Variants in FAM131C observed in about 807,000 individuals in gnomAD.
FAM131C encodes protein FAM131C.
FAM131C carries 14 observed loss-of-function variants against 29.8 expected under a neutral mutation model. The observed-to-expected ratio is 0.47, with a 90% CI of 0.31 to 0.73. The LOEUF (loss-of-function observed/expected upper bound fraction) is 0.73, where lower values mean the gene tolerates loss of function less well. Ranked by LOEUF, FAM131C falls within the 30% of genes least tolerant of loss-of-function variation. The pLI is 0.05. For missense variants in FAM131C, 252 were observed against 383.8 expected, an observed-to-expected ratio of 0.66 and a Z score of 2.87; for synonymous variants, 86 against 157.8, an observed-to-expected ratio of 0.54 and a Z score of 3.41.
intron 4 of FAM131C, 35 bp downstream of exon 4, chr1:16,062,064 T>A: frequency 6.2e-7 from 1 of 1,605,378 alleles, no homozygotes; most frequent in Non-Finnish European, 8.5e-7. Context: ...GACCGTGCAT[T>A]CTCCACCGGC....
chr1:16,064,016 G>A (rs559216404), intron 1 of FAM131C, among the ~76,000 whole-genome samples: 8 of 152,010 alleles, frequency 5.3e-5, no homozygotes, highest in African/African-American at 1.2e-4. Context: ...TCTCACAGAC[G>A]CCCTTACCTC....
At chr1:16,067,790 T>G (rs1008277290) in intron 1 of FAM131C, among the ~76,000 whole-genome samples, 4 of 152,166 alleles carry the variant, frequency 2.6e-5, no homozygotes, top group African/African-American at 9.7e-5. Flanking sequence ...ACTTGATCCT[T>G]GGGTGAGTCT....
intron 1 of FAM131C, among the ~76,000 whole-genome samples, chr1:16,067,488 T>G (rs1438864816): frequency 2.0e-5 from 3 of 152,108 alleles, no homozygotes; most frequent in African/African-American, 7.2e-5. Context: ...AATTCCCTTC[T>G]CAGACCTGCT....
At chr1:16,062,751 G>A (rs956665624) in intron 2 of FAM131C, among the ~76,000 whole-genome samples, 6 of 152,272 alleles carry the variant, frequency 3.9e-5, no homozygotes, top group South Asian at 2.1e-4. Context: ...GGCCTCGGGT[G>A]CCGCTTATAG....
chr1:16,070,399 C>T (rs2023736522), intron 1 of FAM131C, among the ~76,000 whole-genome samples: 1 of 152,028 alleles, frequency 6.6e-6, no homozygotes, highest in Admixed American at 6.6e-5. Context: ...GTGCCTGCCA[C>T]CCGCTGCCTT....
chr1:16,059,546 G>T lies in FAM131C; in HGVS notation c.510C>A (p.Asp170Glu). The T allele has an allele frequency of 6.2e-7, 1 of 1,607,698 alleles. No homozygotes were observed. The highest frequency in any genetic ancestry group is 8.5e-7 in the Non-Finnish European group (1 of 1,177,642). ...EATLSAWSSL[D>E]EEELHPENSP... ...TGTTCTCGGGGTGCAGCTCCTCTTC[G>T]TCCAGCGAGGACCAAGCGCTCAGTG... The change falls in exon 6 of 7, where the codon GAC (aspartate) becomes GAA (glutamate). Residue 170 changes from aspartate to glutamate, a missense_variant. Physicochemically the swap from Asp to Glu is conservative, Grantham distance 45. Coordinates refer to ENST00000375662, the MANE Select transcript of FAM131C (RefSeq NM_182623.3).
chr1:16,058,288 C>G lies in FAM131C; in HGVS notation c.*149G>C, dbSNP rs542800921. ...CGAGGCACAGAGAGGCCACCATGAG[C>G]ACTGGCCCCATCCCTGCCGCACCTA... On this transcript the variant is annotated 3_prime_UTR_variant, in exon 7 of 7. Transcript: ENST00000375662. The G allele has an allele frequency of 2.9e-6, 2 of 692,096 alleles. No homozygotes were observed. The highest frequency in any genetic ancestry group is 4.4e-6 in the Non-Finnish European group (2 of 451,884). The allele number at this position is 692,096 out of a possible 1,614,324, so 42.9% of individuals were successfully genotyped here. A position where few individuals can be genotyped will look rare whatever the true frequency, so the allele number is the denominator to read the frequency against.
chr1:16,066,258 C>T (rs2023681618), intron 1 of FAM131C, among the ~76,000 whole-genome samples: 1 of 152,306 alleles, frequency 6.6e-6, no homozygotes, highest in East Asian at 1.9e-4. Context: ...CTGGGATCCA[C>T]CCAAAGGTAA....
rs1570353416 is a variant in FAM131C at position 16,061,405 on chromosome 1, G to A, written c.268+694C>T. On this transcript the variant is annotated intron_variant, in intron 4 of 6. Coordinates refer to ENST00000375662, the MANE Select transcript of FAM131C (RefSeq NM_182623.3). Reference sequence around the variant, plus strand: ...GCCACCTGATGCTGTGGTGGCCACCGAAACCTGCTCTACAGGCCTGGGAGC... The same window carrying A: ...GCCACCTGATGCTGTGGTGGCCACCAAAACCTGCTCTACAGGCCTGGGAGC... 2.0e-5 allele frequency among the ~76,000 whole-genome samples: 3 copies of A among 152,218 alleles called. 1 individual carries two copies. Among genetic ancestry groups the A allele is most frequent in the South Asian group, 4.2e-4 (2 of 4,818 alleles).
chr1:16,073,413 C>T lies in FAM131C; in HGVS notation c.22+8G>A. On this transcript the variant is annotated splice_region_variant and intron_variant, in intron 1 of 6. Transcript: ENST00000375662. ...CCGATCCCCCCGCCCCCGGCCGGGC[C>T]CCCTCACCTCGCGACACGCAGGAGC... 1.2e-5 allele frequency: 14 copies of T among 1,211,774 alleles called. No homozygotes were observed. Among genetic ancestry groups the T allele is most frequent in the Non-Finnish European group, 1.4e-5 (14 of 974,198 alleles). The allele number at this position is 1,211,774 out of a possible 1,614,324, so 75.1% of individuals were successfully genotyped here.
In FAM131C at chr1:16,073,418, C is replaced by T. The variant is rs1244766871; in HGVS notation, c.22+3G>A. Reference sequence around the variant, plus strand: ...CCCCCCGCCCCCGGCCGGGCCCCCTCACCTCGCGACACGCAGGAGCCCATC... The same window carrying T: ...CCCCCCGCCCCCGGCCGGGCCCCCTTACCTCGCGACACGCAGGAGCCCATC... On this transcript the variant is annotated splice_donor_region_variant and intron_variant, in intron 1 of 6. Coordinates refer to ENST00000375662, the MANE Select transcript of FAM131C (RefSeq NM_182623.3). 2 of 1,212,326 alleles carry T rather than the reference C, an allele frequency of 1.6e-6. No homozygotes were observed. The highest frequency in any genetic ancestry group is 2.1e-6 in the Non-Finnish European group (2 of 974,870). 75.1% of individuals were successfully genotyped at this position (1,212,326 alleles called of 1,614,324 possible).
chr1:16,068,571 C>T (rs1438842601), intron 1 of FAM131C, among the ~76,000 whole-genome samples: 1 of 152,240 alleles, frequency 6.6e-6, no homozygotes, highest in African/African-American at 2.4e-5. Context: ...GAGCAGGCCA[C>T]AGAGCTTGGC....
At chr1:16,066,899 C>A (rs1285133591) in intron 1 of FAM131C, among the ~76,000 whole-genome samples, 1 of 152,238 alleles carries the variant, frequency 6.6e-6, no homozygotes, top group Admixed American at 6.5e-5. Context: ...ACAGGTGGCT[C>A]TGGCCATAGG....
At chr1:16,060,553 G>T (rs2023578965) in intron 4 of FAM131C, among the ~76,000 whole-genome samples, 1 of 150,916 alleles carries the variant, frequency 6.6e-6, no homozygotes, top group Non-Finnish European at 1.5e-5. Context: ...GGTGGAGCAG[G>T]CAGGGAAGGC....
At chr1:16,070,510 G>A (rs991871228) in intron 1 of FAM131C, among the ~76,000 whole-genome samples, 4 of 152,150 alleles carry the variant, frequency 2.6e-5, no homozygotes, top group Non-Finnish European at 5.9e-5. Context: ...AAAAATTAAA[G>A]GCCGGGTGCA....
chr1:16,064,111 G>A (rs539225511), intron 1 of FAM131C, among the ~76,000 whole-genome samples: 56 of 152,148 alleles, frequency 3.7e-4, no homozygotes, highest in Admixed American at 2.9e-3. Context: ...CGCTGCATGC[G>A]AGATTGTAGC....
At chr1:16,059,097 T>TGGTG (rs1185918731) in intron 6 of FAM131C, among the ~76,000 whole-genome samples, 1 of 151,704 alleles carries the variant, frequency 6.6e-6, no homozygotes. Flanking sequence ...TGCTCGTGCC[T>TGGTG]GGTGCTAAGT....
chr1:16,059,883 G>A lies in FAM131C; in HGVS notation c.437C>T (p.Ala146Val). 1.6e-6 allele frequency: 2 copies of A among 1,245,070 alleles called. No individual in the cohort carries two copies. Among genetic ancestry groups the A allele is most frequent in the Non-Finnish European group, 2.1e-6 (2 of 972,756 alleles). The allele number at this position is 1,245,070 out of a possible 1,614,324, so 77.1% of individuals were successfully genotyped here. The change falls in exon 5 of 7, where the codon GCC (alanine) becomes GTC (valine). Residue 146 changes from alanine (A) to valine (V), a missense_variant. Coordinates refer to ENST00000375662, the MANE Select transcript of FAM131C (RefSeq NM_182623.3). ...TCCTCGCTGACCTGCAGCAAAGCGG[G>A]CCTCACGCAGCTCATCCGGGAGGCA... is the stretch of plus-strand genomic sequence containing the variant. ...YCCLPDELRE[A>V]RFAAGVAEQF...
chr1:16,063,581 C>A lies in FAM131C; in HGVS notation c.78G>T (p.Leu26Phe), dbSNP rs754515318. Residue 26 changes from leucine (L) to phenylalanine (F), a missense_variant, in exon 2 of 7, where the codon TTG (leucine) becomes TTT (phenylalanine). Coordinates refer to ENST00000375662, the MANE Select transcript of FAM131C (RefSeq NM_182623.3). The part of the protein sequence containing the change: ...NCPMPQGADP[L>F]NPDLPSGRTP... ...TGCGGCCCGAGGGCAGATCTGGGTT[C>A]AAGGGGTCCGCACCCTGGGGCATGG... 3.7e-6 allele frequency: 6 copies of A among 1,613,824 alleles called. No homozygotes were observed. In the African/African-American group the frequency reaches 8.0e-5, roughly 22 times the overall value.
Sources: allele counts gnomAD v4.1 joint callset (sites outside exome capture counted in the v4.1 genomes callset), GRCh38; gene constraint gnomAD v4.1.1; transcripts MANE v1.5; gene names NCBI Gene and HGNC (gene_info 2026-07-23, HGNC 2026-07-21).